EDIL3: variants seen among roughly 807,000 people sequenced by gnomAD.
EDIL3 encodes the protein EGF-like repeat and discoidin I-like domain-containing protein 3.
EDIL3 carries 37 observed loss-of-function variants against 67.4 expected under a neutral mutation model. That is an observed-to-expected ratio of 0.55 (90% CI 0.42 to 0.72). The LOEUF is 0.72. Among genes scored for constraint, EDIL3 ranks in the 30% least tolerant of loss-of-function variants. The pLI is 0.00. For missense variants in EDIL3, 527 were observed against 586.3 expected (o/e 0.90, Z 1.04); for synonymous variants, 195 against 196.3 (o/e 0.99, Z 0.05).
chr5:84,316,784 C>T (rs991309444), intron 1 of EDIL3, among the ~76,000 whole-genome samples: 2 of 152,100 alleles, frequency 1.3e-5, no homozygotes, highest in Admixed American at 6.6e-5. Context: ...CAGAACTCTC[C>T]ACCCTAAATC....
intron 1 of EDIL3, among the ~76,000 whole-genome samples, chr5:84,273,962 T>C (rs541886103): frequency 1.3e-5 from 2 of 152,188 alleles, no homozygotes; most frequent in Non-Finnish European, 2.9e-5. Flanking sequence ...TTGTTGTCAA[T>C]ATTCTGTCAA....
At chr5:84,166,206 C>T (rs1316590661) in intron 4 of EDIL3, among the ~76,000 whole-genome samples, 1 of 152,186 alleles carries the variant, frequency 6.6e-6, no homozygotes, top group Non-Finnish European at 1.5e-5. Flanking sequence ...ATCTGACAAT[C>T]TCCAAAAGGA....
At chr5:84,085,391 T>A (rs1281946377) in intron 6 of EDIL3, among the ~76,000 whole-genome samples, 2 of 152,188 alleles carry the variant, frequency 1.3e-5, no homozygotes, top group African/African-American at 4.8e-5. Flanking sequence ...TTGATGTTGT[T>A]GTTGTTGTTT....
At chr5:84,047,485 A>G (rs141684080) in intron 9 of EDIL3, 9 of 152,222 alleles carry the variant, frequency 5.9e-5, no homozygotes, top group Admixed American at 5.9e-4. Context: ...TTATAGGTCT[A>G]TTTGAAGGTT....
chr5:84,253,564 A>T (rs879189232), intron 2 of EDIL3, among the ~76,000 whole-genome samples: 1 of 152,204 alleles, frequency 6.6e-6, no homozygotes, highest in Non-Finnish European at 1.5e-5. Context: ...TAATTTTTGC[A>T]GAGCAAATTT....
chr5:84,257,638 G>A (rs1484552710), intron 1 of EDIL3, among the ~76,000 whole-genome samples: 1 of 152,124 alleles, frequency 6.6e-6, no homozygotes, highest in East Asian at 1.9e-4. Flanking sequence ...AGGAAATATA[G>A]TAGATTCAGT....
intron 4 of EDIL3, among the ~76,000 whole-genome samples, chr5:84,150,086 A>G (rs546424199): frequency 2.0e-5 from 3 of 152,262 alleles, no homozygotes; most frequent in African/African-American, 7.2e-5. Context: ...AAGCAGCTCA[A>G]TAAATCCCAA....
rs554034797 is a variant in EDIL3 at position 84,215,578 on chromosome 5, T to A, written c.226+14277A>T. ...AGATGGGCAGATATTTTTAAAAAAA[T>A]TAATAATATTAAAAATACGCAGGCA... On this transcript the variant is annotated intron_variant, in intron 3 of 10. Transcript: ENST00000296591. Among the ~76,000 whole-genome samples, 20 of 152,274 alleles carry A rather than the reference T, an allele frequency of 1.3e-4. No homozygotes were observed. The South Asian group carries it at 3.7e-3, about 28-fold the overall frequency.
At chr5:84,364,163 C>T (rs1747679507) in intron 1 of EDIL3, among the ~76,000 whole-genome samples, 1 of 152,150 alleles carries the variant, frequency 6.6e-6, no homozygotes, top group Non-Finnish European at 1.5e-5. Context: ...CCAAAACAGA[C>T]AATGTAAGGC....
intron 5 of EDIL3, among the ~76,000 whole-genome samples, chr5:84,122,916 GA>G (rs376074850): frequency 6.6e-6 from 1 of 151,864 alleles, no homozygotes; most frequent in African/African-American, 2.4e-5. Flanking sequence ...TTCTAAGATT[GA>G]AAGTGATTTT....
chr5:83,968,893 T>G (rs1373561463), intron 9 of EDIL3, among the ~76,000 whole-genome samples: 1 of 151,874 alleles, frequency 6.6e-6, no homozygotes, highest in Non-Finnish European at 1.5e-5. Context: ...TTTAATTATC[T>G]TTTTCATTAT....
intron 9 of EDIL3, among the ~76,000 whole-genome samples, chr5:84,023,553 T>C (rs1165952613): frequency 6.6e-6 from 1 of 152,124 alleles, no homozygotes; most frequent in Non-Finnish European, 1.5e-5. Context: ...TTTCTACTAA[T>C]TTAACAATTT....
At chr5:84,205,572 T>C (rs948783572) in intron 3 of EDIL3, among the ~76,000 whole-genome samples, 53 of 152,272 alleles carry the variant, frequency 3.5e-4, no homozygotes, top group Non-Finnish European at 3.1e-4. Flanking sequence ...AACTATTGAT[T>C]ATTGCCACAA....
At chr5:84,219,107 A>G (rs1744289436) in intron 3 of EDIL3, among the ~76,000 whole-genome samples, 1 of 152,186 alleles carries the variant, frequency 6.6e-6, no homozygotes, top group African/African-American at 2.4e-5. Flanking sequence ...GTTGGTGGCC[A>G]CAGAGGTGCT....
intron 1 of EDIL3, among the ~76,000 whole-genome samples, chr5:84,277,444 C>G (rs1232289806): frequency 6.6e-6 from 1 of 152,160 alleles, no homozygotes; most frequent in Non-Finnish European, 1.5e-5. Context: ...TATTTTGTTA[C>G]AGCAGCCCAA....
intron 1 of EDIL3, among the ~76,000 whole-genome samples, chr5:84,306,042 A>C (rs1746270542): frequency 6.6e-6 from 1 of 152,124 alleles, no homozygotes; most frequent in Non-Finnish European, 1.5e-5. Context: ...GAAAAAAAAA[A>C]GTCTCTCCTT....
chr5:84,384,281 C>G (rs770360007), intron 1 of EDIL3, 27 bp downstream of exon 1: 18 of 1,603,692 alleles, frequency 1.1e-5, no homozygotes, highest in Non-Finnish European at 1.5e-5. Context: ...CATCCCTCAC[C>G]CAGCTGTCCG....
chr5:84,110,852 A>G lies in EDIL3; in HGVS notation c.470-4022T>C, dbSNP rs116724382. On this transcript the variant is annotated intron_variant, in intron 5 of 10. Transcript: ENST00000296591. Reference sequence around the variant, plus strand: ...GAACATACAAGATATCACTAGTAACACTGAGGATGTAATGGAGTTTTCACA... The same window carrying G: ...GAACATACAAGATATCACTAGTAACGCTGAGGATGTAATGGAGTTTTCACA... 5.5e-3 allele frequency among the ~76,000 whole-genome samples: 833 copies of G among 152,304 alleles called. 10 individuals are homozygous for G. The highest frequency in any genetic ancestry group is 0.019 in the African/African-American group (789 of 41,568).
At chr5:84,090,807 G>A (rs76222492) in intron 6 of EDIL3, among the ~76,000 whole-genome samples, 116 of 151,926 alleles carry the variant, frequency 7.6e-4, no homozygotes, top group African/African-American at 2.7e-3. Flanking sequence ...AAATAGCTGG[G>A]CGTGGTGGTG....
Sources: gnomAD v4.1 joint callset for allele counts (sites outside exome capture counted in the v4.1 genomes callset) on GRCh38, gnomAD v4.1.1 for gene constraint, MANE v1.5 for transcripts, NCBI Gene and HGNC (gene_info 2026-07-23, HGNC 2026-07-21) for gene names.